The following TRIM2 variants were observed in gnomAD, a reference collection of about 807,000 sequenced individuals.
TRIM2 encodes tripartite motif-containing protein 2.
Under a neutral mutation model 75.2 loss-of-function variants are expected in TRIM2, and 20 were observed. That is an observed-to-expected ratio of 0.27 (90% CI 0.19 to 0.39). The LOEUF (loss-of-function observed/expected upper bound fraction) is 0.39. Among genes scored for constraint, TRIM2 ranks in the 10% least tolerant of loss-of-function variants. The probability of loss-of-function intolerance (pLI) is 1.00; values close to 1 mark genes in which losing one functional copy is unlikely to be tolerated. For missense variants in TRIM2, 660 were observed against 990.8 expected, an observed-to-expected ratio of 0.67 and a Z score of 4.48; for synonymous variants, 373 against 388.3, an observed-to-expected ratio of 0.96 and a Z score of 0.46.
intron 1 of TRIM2, among the ~76,000 whole-genome samples, chr4:153,172,300 G>C (rs1333552006): frequency 1.3e-5 from 2 of 152,096 alleles, no homozygotes; most frequent in African/African-American, 4.8e-5. Context: ...CCATTCTCCT[G>C]CCTCAGCCTC....
chr4:153,215,346 G>A lies in TRIM2; in HGVS notation c.30+10786G>A, dbSNP rs190884422. Among the ~76,000 whole-genome samples the A allele has an allele frequency of 1.4e-4, 22 of 152,102 alleles. No individual in the cohort carries two copies. The East Asian group carries it at 3.7e-3, about 25-fold the overall frequency. On this transcript the variant is annotated intron_variant, in intron 1 of 11. Transcript: ENST00000338700. ...TGGGGTTCAAGGATCATGAGTCTGG[G>A]GCATGCACCCTGGGATCACTGTTCA...
chr4:153,231,276 GT>G (rs1480548341), intron 1 of TRIM2, among the ~76,000 whole-genome samples: 40 of 152,322 alleles, frequency 2.6e-4, no homozygotes, highest in African/African-American at 9.4e-4. Flanking sequence ...AGGGAGTCAT[GT>G]GAACAAGACA....
intron 1 of TRIM2, among the ~76,000 whole-genome samples, chr4:153,182,895 C>G (rs940673907): frequency 2.0e-5 from 3 of 152,204 alleles, no homozygotes; most frequent in Non-Finnish European, 4.4e-5. Context: ...CTGGGACCCT[C>G]TATCCCAATA....
intron 1 of TRIM2, among the ~76,000 whole-genome samples, chr4:153,241,301 G>A (rs73854613): frequency 1.4e-3 from 215 of 152,322 alleles, no homozygotes; most frequent in East Asian, 0.01. Flanking sequence ...TCTGGCTAAT[G>A]TCTAGGCAGG....
intron 10 of TRIM2, among the ~76,000 whole-genome samples, chr4:153,327,872 C>T (rs1770589621): frequency 2.0e-5 from 3 of 152,166 alleles, no homozygotes; most frequent in Admixed American, 2.0e-4. Context: ...ATAGAAACTA[C>T]TTTTATATTC....
chr4:153,201,049 C>T (rs1430613920), upstream of TRIM2, among the ~76,000 whole-genome samples: 1 of 152,024 alleles, frequency 6.6e-6, no homozygotes, highest in African/African-American at 2.4e-5. Context: ...CTGCAACCTC[C>T]ACCTCCTGGG....
chr4:153,194,692 TA>T (rs1489771090), intron 1 of TRIM2, among the ~76,000 whole-genome samples: 1 of 152,204 alleles, frequency 6.6e-6, no homozygotes, highest in Non-Finnish European at 1.5e-5. Context: ...AGGTGTTCAC[TA>T]GTGTCAAAAT....
intron 6 of TRIM2, among the ~76,000 whole-genome samples, chr4:153,299,761 C>T (rs1763477459): frequency 6.6e-6 from 1 of 152,162 alleles, no homozygotes; most frequent in Non-Finnish European, 1.5e-5. Flanking sequence ...CTGCTCTGAC[C>T]TAAGTCACCT....
chr4:153,274,601 T>C (rs1757611898), intron 2 of TRIM2, among the ~76,000 whole-genome samples: 1 of 152,318 alleles, frequency 6.6e-6, no homozygotes, highest in South Asian at 2.1e-4. Context: ...TAGCCACACC[T>C]GTGATATGAA....
In TRIM2 at chr4:153,320,250, C is replaced by T. The variant is rs1365709733; in HGVS notation, c.1783-2398C>T. Among the ~76,000 whole-genome samples, 4 of 152,260 alleles carry T rather than the reference C, an allele frequency of 2.6e-5. No homozygotes were observed. In the East Asian group the frequency reaches 7.7e-4, roughly 29 times the overall value. On this transcript the variant is annotated intron_variant, in intron 8 of 11. Transcript: ENST00000338700. ...TTGCCAAGAAAACCACTGTTTCTTT[C>T]CTAAGTAATTGTGTTCCTTTGCTCT...
intron 3 of TRIM2, among the ~76,000 whole-genome samples, chr4:153,286,691 A>G (rs537434443): frequency 6.6e-6 from 1 of 151,506 alleles, no homozygotes; most frequent in Non-Finnish European, 1.5e-5. Context: ...TTCCTTCCTG[A>G]TTTTTGTAAT....
intron 1 of TRIM2, among the ~76,000 whole-genome samples, chr4:153,252,452 A>G (rs1347108076): frequency 2.0e-5 from 3 of 152,216 alleles, no homozygotes; most frequent in African/African-American, 7.2e-5. Context: ...CCACTAAAAT[A>G]ACAATGCCTG....
Position 153,335,977 on chromosome 4 carries a change from TAGAA to T in TRIM2, c.*1014_*1017del. 1.0e-6 allele frequency: 1 copy of T among 985,832 alleles called. No individual in the cohort carries two copies. The highest frequency in any genetic ancestry group is 1.2e-6 in the Non-Finnish European group (1 of 829,922). 61.1% of individuals were successfully genotyped at this position (985,832 alleles called of 1,614,324 possible). ...ATGTGATTGATTAATGATTCCCCCT[TAGAA>T]AGCAAGTGTTACCAAAGTTGTGTTA... is the stretch of plus-strand genomic sequence containing the variant. On this transcript the variant is annotated 3_prime_UTR_variant, in exon 12 of 12. Coordinates refer to ENST00000338700, the MANE Select transcript of TRIM2 (RefSeq NM_015271.5).
rs148302168 is a variant in TRIM2, at chr4:153,298,100, C to T, written c.1510+2064C>T. Among the ~76,000 whole-genome samples the T allele has an allele frequency of 5.5e-4, 84 of 152,288 alleles. 1 individual carries two copies. The East Asian group carries it at 0.01, about 19-fold the overall frequency. On this transcript the variant is annotated intron_variant, in intron 6 of 11. Coordinates refer to ENST00000338700, the MANE Select transcript of TRIM2 (RefSeq NM_015271.5). ...GACAAGGGGGTATATCTTCTCCCCT[C>T]GTACCTACTGAGAAATGCAGCCATA...
intron 6 of TRIM2, chr4:153,308,293 C>T (rs1432642930): frequency 6.5e-7 from 1 of 1,547,746 alleles, no homozygotes; most frequent in East Asian, 2.3e-5. Flanking sequence ...GAAATAATGT[C>T]CTTCTCCAGA....
Position 153,293,120 on chromosome 4 carries a change from G to A in TRIM2, c.592G>A (p.Ala198Thr). Residue 198 changes from alanine (A) to threonine (T), a missense_variant, in exon 4 of 12, where the codon GCT (alanine) becomes ACT (threonine). By Grantham distance (58) the Ala-to-Thr change is moderately conservative. This residue lies in a region of TRIM2 where 620 missense variants were observed against 891.0 expected (regional missense o/e 0.70). Coordinates refer to ENST00000338700, the MANE Select transcript of TRIM2 (RefSeq NM_015271.5). Reference protein sequence around the residue: ...HKASLQVQLDAVNKRLPEIDS... With the variant: ...HKASLQVQLDTVNKRLPEIDS... ...GGCCTCGCTCCAGGTCCAGCTGGAT[G>A]CTGTCAACAAAAGGTGGGGGACCCC... 6.2e-7 allele frequency: 1 copy of A among 1,607,124 alleles called. No individual in the cohort carries two copies. Among genetic ancestry groups the A allele is most frequent in the South Asian group, 1.1e-5 (1 of 90,598 alleles).
chr4:153,271,379 T>C (rs1308943791), intron 2 of TRIM2, among the ~76,000 whole-genome samples: 1 of 152,226 alleles, frequency 6.6e-6, no homozygotes, highest in Non-Finnish European at 1.5e-5. Context: ...TGGCTTCAAA[T>C]CTATGCTGAT....
chr4:153,286,537 T>C (rs1368224867), intron 3 of TRIM2, among the ~76,000 whole-genome samples: 1 of 152,218 alleles, frequency 6.6e-6, no homozygotes, highest in Non-Finnish European at 1.5e-5. Context: ...TTGTATTTCT[T>C]CATGTCAGTT....
At chr4:153,260,706 A>C (rs202190524) in intron 1 of TRIM2, among the ~76,000 whole-genome samples, 25 of 47,918 alleles carry the variant, frequency 5.2e-4, no homozygotes, top group Admixed American at 1.0e-3. Context: ...CCCCCCACAC[A>C]CACACACACA....
Sources: allele counts gnomAD v4.1 joint callset (sites outside exome capture counted in the v4.1 genomes callset), GRCh38; gene constraint gnomAD v4.1.1; regional missense constraint gnomAD v4.1.1; transcripts MANE v1.5; gene names NCBI Gene and HGNC (gene_info 2026-07-23, HGNC 2026-07-21).